Variants in DIS3L2 observed in about 807,000 individuals in gnomAD.
DIS3L2 encodes the protein DIS3 like 3'-5' exoribonuclease 2.
DIS3L2 carries 34 observed loss-of-function variants against 97.5 expected under a neutral mutation model. The ratio of observed to expected loss-of-function variants is 0.35; its 90% CI spans 0.27 to 0.46. The LOEUF is 0.46. DIS3L2 is among the 20% of genes least tolerant of loss of function. The probability of loss-of-function intolerance (pLI) is 1.00; values close to 1 mark genes in which losing one functional copy is unlikely to be tolerated. For synonymous variants in DIS3L2, 435 were observed against 445.2 expected, an observed-to-expected ratio of 0.98 and a Z score of 0.29; for missense variants, 1,038 against 1,146.0, an observed-to-expected ratio of 0.91 and a Z score of 1.36.
At chr2:232,025,651 C>T (rs115217297) in intron 4 of DIS3L2, among the ~76,000 whole-genome samples, 5 of 152,214 alleles carry the variant, frequency 3.3e-5, no homozygotes, top group Admixed American at 6.5e-5. Context: ...CTTGGCTGCA[C>T]GAACAGTTCT....
chr2:232,271,004 A>G (rs1296737117), intron 13 of DIS3L2, among the ~76,000 whole-genome samples: 1 of 150,016 alleles, frequency 6.7e-6, no homozygotes, highest in African/African-American at 2.5e-5. Context: ...TTATTCCTTC[A>G]TCTTTCATAT....
chr2:232,233,458 C>G (rs1462830124), intron 10 of DIS3L2, among the ~76,000 whole-genome samples: 3 of 152,200 alleles, frequency 2.0e-5, no homozygotes, highest in Non-Finnish European at 2.9e-5. Flanking sequence ...GGTCTGCCTC[C>G]TGATGCCATC....
chr2:232,074,188 A>G (rs1696116784), intron 5 of DIS3L2, among the ~76,000 whole-genome samples: 1 of 152,212 alleles, frequency 6.6e-6, no homozygotes, highest in Admixed American at 6.5e-5. Flanking sequence ...GCATTTATTT[A>G]TCTTGTATCT....
chr2:232,032,798 T>C (rs552774810), intron 5 of DIS3L2, among the ~76,000 whole-genome samples: 5 of 152,298 alleles, frequency 3.3e-5, no homozygotes, highest in Non-Finnish European at 7.3e-5. Flanking sequence ...ATCAGATGGT[T>C]GTAGATGTGT....
In DIS3L2 at chr2:232,263,451, G is replaced by GC; in HGVS notation, c.1659+11_1659+12insC. The GC allele has an allele frequency of 5.6e-6, 9 of 1,613,868 alleles. No individual in the cohort carries two copies. The highest frequency in any genetic ancestry group is 7.6e-6 in the Non-Finnish European group (9 of 1,179,832). ...CTTCGTTTGGATCAGGTCAGTACGT[G>GC]TTTTTTTAGTGTAGCCAACAGATTT... On this transcript the variant is annotated intron_variant, in intron 13 of 20. Transcript: ENST00000325385.
At chr2:232,270,690 A>G (rs926734786) in intron 13 of DIS3L2, among the ~76,000 whole-genome samples, 1 of 152,218 alleles carries the variant, frequency 6.6e-6, no homozygotes, top group African/African-American at 2.4e-5. Context: ...AAGGATATGG[A>G]TATATTTAAG....
At chr2:232,244,133 G>A (rs545749390) in intron 11 of DIS3L2, among the ~76,000 whole-genome samples, 1 of 152,346 alleles carries the variant, frequency 6.6e-6, no homozygotes, top group Admixed American at 6.5e-5. Context: ...TCTGAGAGAG[G>A]AAGAGAGACA....
At chr2:232,025,137 A>C (rs1259767235) in intron 4 of DIS3L2, among the ~76,000 whole-genome samples, 1 of 152,212 alleles carries the variant, frequency 6.6e-6, no homozygotes, top group Non-Finnish European at 1.5e-5. Context: ...TTTAGTGAGA[A>C]TATAGGTTCA....
At chr2:232,091,063 G>A (rs909067214) in intron 6 of DIS3L2, among the ~76,000 whole-genome samples, 5 of 152,176 alleles carry the variant, frequency 3.3e-5, no homozygotes, top group African/African-American at 1.2e-4. Context: ...CCCTTTTAGA[G>A]ATCCACTCCC....
chr2:232,052,725 A>G (rs921966175), intron 5 of DIS3L2, among the ~76,000 whole-genome samples: 3 of 152,172 alleles, frequency 2.0e-5, no homozygotes, highest in African/African-American at 7.2e-5. Context: ...CTGGTTTCAC[A>G]GGTTGTTGCC....
At chr2:231,975,484 C>T (rs183475123) in intron 1 of DIS3L2, among the ~76,000 whole-genome samples, 1 of 151,956 alleles carries the variant, frequency 6.6e-6, no homozygotes, top group East Asian at 1.9e-4. Context: ...AGGCGGATCA[C>T]GAGGTCCGGA....
chr2:232,084,345 T>C (rs1696507127), intron 5 of DIS3L2, among the ~76,000 whole-genome samples: 1 of 152,116 alleles, frequency 6.6e-6, no homozygotes, highest in African/African-American at 2.4e-5. Context: ...TTTGGGATGT[T>C]TTTCGGATTT....
intron 6 of DIS3L2, among the ~76,000 whole-genome samples, chr2:232,104,886 C>T (rs149314258): frequency 1.6e-4 from 25 of 151,654 alleles, no homozygotes; most frequent in African/African-American, 5.8e-4. Context: ...GGTGTGATCT[C>T]GGCTCACTGC....
intron 6 of DIS3L2, among the ~76,000 whole-genome samples, chr2:232,096,483 CTT>C (rs755830033): frequency 5.9e-5 from 9 of 152,172 alleles, no homozygotes; most frequent in Middle Eastern, 3.4e-3. Context: ...GGAATTGTCT[CTT>C]ATTATTTCTT....
At chr2:232,021,060 A>G (rs747943252) in intron 3 of DIS3L2, among the ~76,000 whole-genome samples, 1 of 152,150 alleles carries the variant, frequency 6.6e-6, no homozygotes, top group Non-Finnish European at 1.5e-5. Context: ...AGCCAAATAC[A>G]GTATGTTTGT....
chr2:232,088,390 C>CAAAAAAAAAAAAAAAAA (rs778505065), intron 6 of DIS3L2, among the ~76,000 whole-genome samples: 2 of 55,714 alleles, frequency 3.6e-5, no homozygotes, highest in Non-Finnish European at 3.8e-5. Flanking sequence ...ACTAAAAATA[C>CAAAAAAAAAAAAAAAAA]AAAAAAAAAA....
At chr2:232,005,187 T>TTTA (rs1694017323) in intron 1 of DIS3L2, among the ~76,000 whole-genome samples, 1 of 150,696 alleles carries the variant, frequency 6.6e-6, no homozygotes, top group Non-Finnish European at 1.5e-5. Context: ...TTTTTTTTTT[T>TTTA]TTTTATTTCA....
At chr2:232,019,383 C>G (rs756871221) in intron 3 of DIS3L2, among the ~76,000 whole-genome samples, 14 of 152,016 alleles carry the variant, frequency 9.2e-5, no homozygotes, top group Admixed American at 2.0e-4. Flanking sequence ...GAGACTTCAT[C>G]TGTACAAAAT....
intron 1 of DIS3L2, among the ~76,000 whole-genome samples, chr2:231,999,630 A>C (rs1197036278): frequency 5.9e-5 from 9 of 152,156 alleles, no homozygotes; most frequent in South Asian, 2.1e-4. Context: ...CAGTTTTGGA[A>C]TTGCTCACTC....
Sources: allele counts gnomAD v4.1 joint callset (sites outside exome capture counted in the v4.1 genomes callset), GRCh38; gene constraint gnomAD v4.1.1; transcripts MANE v1.5; gene names NCBI Gene and HGNC (gene_info 2026-07-23, HGNC 2026-07-21).